PLA2G12A: variants seen among roughly 807,000 people sequenced by gnomAD.
PLA2G12A encodes the protein group XIIA secretory phospholipase A2.
A neutral mutation model predicts 16.0 loss-of-function variants in PLA2G12A; 11 were observed. The ratio of observed to expected loss-of-function variants is 0.69; its 90% CI spans 0.43 to 1.13. The LOEUF (loss-of-function observed/expected upper bound fraction) is 1.13. PLA2G12A is among the 50% of genes most tolerant of loss of function. The pLI is 0.00. For missense variants in PLA2G12A, 214 were observed against 237.3 expected (o/e 0.90, Z 0.65); for synonymous variants, 77 against 93.8 (o/e 0.82, Z 1.03).
chr4:109,719,909 C>CA (rs920031071), intron 1 of PLA2G12A, among the ~76,000 whole-genome samples: 30 of 149,486 alleles, frequency 2.0e-4, no homozygotes, highest in African/African-American at 4.9e-4. Flanking sequence ...AGCAAACAAG[C>CA]AAAAAAAAAC....
At position 109,713,288 on chromosome 4, in the gene PLA2G12A, C is replaced by G. The variant is rs1730768890; in HGVS notation, c.*1089G>C. 6.6e-6 allele frequency: 1 copy of G among 152,144 alleles called. No individual in the cohort carries two copies. The highest frequency in any genetic ancestry group is 2.1e-4 in the South Asian group (1 of 4,826). The allele number at this position is 152,144 out of a possible 1,614,324, so 9.4% of individuals were successfully genotyped here. ...CAACATTCATAGACATCTTCAGAAG[C>G]TGTTGAAGTTTTCTTGGATTTGCTC... is the stretch of plus-strand genomic sequence containing the variant. On this transcript the variant is annotated 3_prime_UTR_variant, in exon 4 of 4. Coordinates refer to ENST00000243501, the MANE Select transcript of PLA2G12A (RefSeq NM_030821.5).
intron 1 of PLA2G12A, among the ~76,000 whole-genome samples, chr4:109,721,383 G>A (rs1265269981): frequency 2.0e-5 from 3 of 150,160 alleles, no homozygotes; most frequent in Non-Finnish European, 4.4e-5. Context: ...GTGCAATGGC[G>A]CGATCTTGGC....
chr4:109,719,065 T>A (rs1182313019), intron 1 of PLA2G12A, among the ~76,000 whole-genome samples: 1 of 152,244 alleles, frequency 6.6e-6, no homozygotes, highest in East Asian at 1.9e-4. Context: ...CCTGGACTTC[T>A]GGAGATTTCA....
intron 1 of PLA2G12A, among the ~76,000 whole-genome samples, chr4:109,719,870 G>T (rs1023261799): frequency 1.3e-5 from 2 of 152,058 alleles, no homozygotes; most frequent in Non-Finnish European, 2.9e-5. Context: ...CTCAATGCAG[G>T]GTCGCCGCTA....
intron 1 of PLA2G12A, among the ~76,000 whole-genome samples, chr4:109,722,983 C>T (rs550124100): frequency 5.7e-4 from 87 of 152,248 alleles, no homozygotes; most frequent in Admixed American, 1.0e-3. Flanking sequence ...CGTTAAGAAA[C>T]CCTGCTGTTT....
chr4:109,725,802 C>G (rs1041465677), intron 1 of PLA2G12A, among the ~76,000 whole-genome samples: 1 of 152,154 alleles, frequency 6.6e-6, no homozygotes, highest in Admixed American at 6.5e-5. Context: ...AAGCAGATGA[C>G]AAGCACAAGA....
At position 109,714,940 on chromosome 4, in the gene PLA2G12A, A is replaced by C. The variant is rs111999796; in HGVS notation, c.452-445T>G. Among the ~76,000 whole-genome samples the C allele has an allele frequency of 5.3e-4, 78 of 147,990 alleles. 1 individual carries two copies. Among genetic ancestry groups the C allele is most frequent in the African/African-American group, 1.7e-3 (70 of 40,546 alleles). ...ATTTTTAATTTTAAACAGACACACA[A>C]CACCACACCCAGCTATTTTTGTTTG... On this transcript the variant is annotated intron_variant, in intron 3 of 3. Transcript: ENST00000243501.
At chr4:109,720,970 C>A (rs1730930295) in intron 1 of PLA2G12A, among the ~76,000 whole-genome samples, 1 of 152,056 alleles carries the variant, frequency 6.6e-6, no homozygotes, top group Non-Finnish European at 1.5e-5. Flanking sequence ...ACTTGGGAGG[C>A]TGAGGCAGGA....
In PLA2G12A at chr4:109,717,607, C is replaced by A. The variant is rs1201429380; in HGVS notation, c.392G>T (p.Cys131Phe). Reference protein sequence around the residue: ...KNDCDEEFQYCLSKICRDVQK... With the variant: ...KNDCDEEFQYFLSKICRDVQK... ...TACATCTCGGCAGATCTTGGAGAGGCAATACTGGAATTCTTCATCACAGTC... is the reference window on the plus strand; with the variant it reads ...TACATCTCGGCAGATCTTGGAGAGGAAATACTGGAATTCTTCATCACAGTC... The change falls in exon 3 of 4, where the codon TGC (cysteine) becomes TTC (phenylalanine). Residue 131 changes from cysteine to phenylalanine, a missense_variant. Transcript: ENST00000243501. The A allele has an allele frequency of 4.3e-6, 7 of 1,613,802 alleles. No individual in the cohort carries two copies. Among genetic ancestry groups the A allele is most frequent in the Non-Finnish European group, 5.9e-6 (7 of 1,179,706 alleles).
chr4:109,717,930 C>G (rs1301239710), intron 2 of PLA2G12A, among the ~76,000 whole-genome samples: 1 of 152,198 alleles, frequency 6.6e-6, no homozygotes, highest in Non-Finnish European at 1.5e-5. Flanking sequence ...CTCACTGCTC[C>G]CTATTCTGCA....
At chr4:109,715,439 A>G (rs1730812206) in intron 3 of PLA2G12A, among the ~76,000 whole-genome samples, 1 of 151,760 alleles carries the variant, frequency 6.6e-6, no homozygotes, top group African/African-American at 2.4e-5. Flanking sequence ...ATTTTTCCCC[A>G]GTCAGGTAGG....
At chr4:109,724,853 C>T (rs761232458) in intron 1 of PLA2G12A, among the ~76,000 whole-genome samples, 1 of 152,054 alleles carries the variant, frequency 6.6e-6, no homozygotes, top group Non-Finnish European at 1.5e-5. Flanking sequence ...AATAAAGAGC[C>T]AACATCTACT....
chr4:109,718,630 G>A (rs1561271250), intron 2 of PLA2G12A, 53 bp downstream of exon 2: 4 of 1,341,660 alleles, frequency 3.0e-6, no homozygotes, highest in Non-Finnish European at 3.2e-6. Flanking sequence ...ATCACCAAAA[G>A]TATTACATGA....
intron 1 of PLA2G12A, among the ~76,000 whole-genome samples, chr4:109,721,139 T>A (rs1027397452): frequency 6.6e-6 from 1 of 151,968 alleles, no homozygotes. Context: ...CAAAAAGGAA[T>A]GGTTAAGATG....
chr4:109,715,192 A>G (rs1417150950), intron 3 of PLA2G12A, among the ~76,000 whole-genome samples: 4 of 152,218 alleles, frequency 2.6e-5, no homozygotes, highest in Non-Finnish European at 5.9e-5. Context: ...TATTTGAAAA[A>G]CATAATCACT....
At chr4:109,716,897 T>C (rs565918434) in intron 3 of PLA2G12A, among the ~76,000 whole-genome samples, 58 of 152,336 alleles carry the variant, frequency 3.8e-4, no homozygotes, top group African/African-American at 1.4e-3. Flanking sequence ...TGTTTGTGTC[T>C]TTCCAGAATT....
chr4:109,721,241 G>A (rs1425902738), intron 1 of PLA2G12A, among the ~76,000 whole-genome samples: 3 of 152,130 alleles, frequency 2.0e-5, no homozygotes, highest in Non-Finnish European at 4.4e-5. Flanking sequence ...CTTGGAAGAT[G>A]AGGGTAGATG....
chr4:109,714,230 A>T lies in PLA2G12A; in HGVS notation c.*147T>A. 1.5e-6 allele frequency: 1 copy of T among 689,042 alleles called. No individual in the cohort carries two copies. Among genetic ancestry groups the T allele is most frequent in the Non-Finnish European group, 2.5e-6 (1 of 395,754 alleles). 42.7% of individuals were successfully genotyped at this position (689,042 alleles called of 1,614,324 possible). ...TATCTCCCTCACTTTTTTTGCTTTG[A>T]GGTTTTAACATCAAGATATAAATTA... On this transcript the variant is annotated 3_prime_UTR_variant, in exon 4 of 4. Coordinates refer to ENST00000243501, the MANE Select transcript of PLA2G12A (RefSeq NM_030821.5).
intron 1 of PLA2G12A, among the ~76,000 whole-genome samples, chr4:109,726,968 G>T (rs10004377): frequency 0.68 from 101,594 of 149,468 alleles, 35,285 homozygotes; most frequent in African/African-American, 0.84. Context: ...GATCTCTTTC[G>T]TGCAACTAAA....
Sources: gnomAD v4.1 joint callset for allele counts (sites outside exome capture counted in the v4.1 genomes callset) on GRCh38, gnomAD v4.1.1 for gene constraint, MANE v1.5 for transcripts, NCBI Gene and HGNC (gene_info 2026-07-23, HGNC 2026-07-21) for gene names.